The following CDH13 variants were observed in gnomAD, a reference collection of about 807,000 sequenced individuals.
CDH13 encodes cadherin-13.
Under a neutral mutation model 63.8 loss-of-function variants are expected in CDH13, and 24 were observed. The ratio of observed to expected loss-of-function variants is 0.38; its 90% CI spans 0.27 to 0.53. The LOEUF is 0.53. CDH13 is among the 20% of genes least tolerant of loss of function. The pLI, the probability that CDH13 is intolerant of heterozygous loss-of-function variation, is 0.85. For missense variants in CDH13, 1,049 were observed against 903.1 expected, an observed-to-expected ratio of 1.16 and a Z score of -2.07; for synonymous variants, 503 against 355.3, an observed-to-expected ratio of 1.42 and a Z score of -4.67.
intron 5 of CDH13, among the ~76,000 whole-genome samples, chr16:83,277,147 C>T (rs956820442): frequency 1.3e-5 from 2 of 152,116 alleles, no homozygotes; most frequent in African/African-American, 2.4e-5. Flanking sequence ...TCAATAAATA[C>T]TGGATAGGTG....
At chr16:82,817,145 C>T (rs2037758458) in intron 1 of CDH13, among the ~76,000 whole-genome samples, 1 of 151,962 alleles carries the variant, frequency 6.6e-6, no homozygotes, top group South Asian at 2.1e-4. Flanking sequence ...CTTGACTCTC[C>T]TTTCATTTCT....
chr16:83,647,271 C>G (rs1288390366), intron 8 of CDH13, among the ~76,000 whole-genome samples: 1 of 148,068 alleles, frequency 6.8e-6, no homozygotes, highest in African/African-American at 2.5e-5. Context: ...GATCATGCCA[C>G]TACTGCACTC....
intron 6 of CDH13, among the ~76,000 whole-genome samples, chr16:83,383,403 G>T (rs2091608966): frequency 6.6e-6 from 1 of 152,094 alleles, no homozygotes; most frequent in South Asian, 2.1e-4. Flanking sequence ...CATCGATCTT[G>T]TGATATGCTG....
intron 9 of CDH13, 74 bp from the exon 10 acceptor site, chr16:83,678,134 C>T (rs557609894): frequency 3.2e-4 from 485 of 1,510,262 alleles, no homozygotes; most frequent in Non-Finnish European, 4.2e-4. Flanking sequence ...CGTGGAATTT[C>T]AGAGGAAGTT....
At chr16:83,344,470 T>C (rs2090794498) in intron 5 of CDH13, among the ~76,000 whole-genome samples, 1 of 152,234 alleles carries the variant, frequency 6.6e-6, no homozygotes, top group Non-Finnish European at 1.5e-5. Context: ...TTAATGTACT[T>C]GGTTCATAAC....
At chr16:83,012,115 T>C (rs1021079483) in intron 2 of CDH13, among the ~76,000 whole-genome samples, 1 of 152,118 alleles carries the variant, frequency 6.6e-6, no homozygotes, top group African/African-American at 2.4e-5. Context: ...TTAAAAAACT[T>C]TAGGAATTCA....
chr16:83,263,677 G>C (rs1347527478), intron 5 of CDH13, among the ~76,000 whole-genome samples: 1 of 152,170 alleles, frequency 6.6e-6, no homozygotes, highest in South Asian at 2.1e-4. Flanking sequence ...TGAGGCTTTT[G>C]ACTGGCTTCC....
At chr16:82,693,586 C>A (rs1423597213) in intron 1 of CDH13, among the ~76,000 whole-genome samples, 1 of 152,222 alleles carries the variant, frequency 6.6e-6, no homozygotes, top group Non-Finnish European at 1.5e-5. Context: ...ATAAGAACCT[C>A]CAAGTAGACA....
At chr16:83,407,139 G>T (rs2092059629) in intron 6 of CDH13, among the ~76,000 whole-genome samples, 1 of 152,182 alleles carries the variant, frequency 6.6e-6, no homozygotes, top group Non-Finnish European at 1.5e-5. Flanking sequence ...GGAGCAGGAA[G>T]ACTGCAGTGA....
At chr16:83,677,381 G>A (rs543439059) in intron 9 of CDH13, among the ~76,000 whole-genome samples, 12 of 152,294 alleles carry the variant, frequency 7.9e-5, no homozygotes, top group African/African-American at 2.4e-4. Context: ...ACTGGGGTAG[G>A]ACAATCCACC....
At chr16:83,176,442 G>A (rs1322144138) in intron 4 of CDH13, among the ~76,000 whole-genome samples, 6 of 150,962 alleles carry the variant, frequency 4.0e-5, no homozygotes, top group South Asian at 2.1e-4. Flanking sequence ...CCTGGGAGGC[G>A]GGGGTTGCAA....
chr16:82,889,156 C>A (rs1185396626), intron 2 of CDH13, among the ~76,000 whole-genome samples: 1 of 152,142 alleles, frequency 6.6e-6, no homozygotes, highest in Non-Finnish European at 1.5e-5. Flanking sequence ...AGAAAGTATT[C>A]TTTCCTTTTG....
chr16:83,248,030 G>C (rs1289702732), intron 5 of CDH13, among the ~76,000 whole-genome samples: 2 of 152,186 alleles, frequency 1.3e-5, no homozygotes, highest in African/African-American at 2.4e-5. Flanking sequence ...GAGAAGGCAA[G>C]ATGAATCTGG....
intron 8 of CDH13, among the ~76,000 whole-genome samples, chr16:83,630,919 G>A (rs961246437): frequency 6.6e-6 from 1 of 152,080 alleles, no homozygotes; most frequent in African/African-American, 2.4e-5. Flanking sequence ...TAGTAATTGG[G>A]GGTCCCAAGA....
intron 2 of CDH13, among the ~76,000 whole-genome samples, chr16:82,919,912 T>G (rs1430297108): frequency 6.6e-6 from 1 of 152,114 alleles, no homozygotes; most frequent in Non-Finnish European, 1.5e-5. Flanking sequence ...TAGAGTCAAA[T>G]GAGGGGAATT....
At position 83,047,243 on chromosome 16, in the gene CDH13, T is replaced by G. The variant is rs1389245036; in HGVS notation, c.366+15025T>G. Among the ~76,000 whole-genome samples, 1 of 152,088 alleles carries G rather than the reference T, an allele frequency of 6.6e-6. No individual in the cohort carries two copies. Among genetic ancestry groups the G allele is most frequent in the Middle Eastern group, 3.2e-3 (1 of 314 alleles). On this transcript the variant is annotated intron_variant, in intron 3 of 13. Coordinates refer to ENST00000567109, the MANE Select transcript of CDH13 (RefSeq NM_001257.5). The surrounding 1 kb of genome is among the most constrained non-coding windows in gnomAD (Gnocchi z 4.9). ...TTACTCCAGAGGCCTGTGTATTTATTTATTTATTTATTTTTTTGGTAAAGG... is the reference window on the plus strand; with the variant it reads ...TTACTCCAGAGGCCTGTGTATTTATGTATTTATTTATTTTTTTGGTAAAGG...
chr16:83,146,193 CAAAA>C (rs749952847), intron 4 of CDH13, among the ~76,000 whole-genome samples: 3 of 97,622 alleles, frequency 3.1e-5, no homozygotes, highest in African/African-American at 7.6e-5. Flanking sequence ...GACTCTGTCT[CAAAA>C]AAAAAAAAAA....
At chr16:83,265,908 C>T in intron 5 of CDH13, among the ~76,000 whole-genome samples, 1 of 151,668 alleles carries the variant, frequency 6.6e-6, no homozygotes, top group East Asian at 1.9e-4. Flanking sequence ...GGGACTCCAC[C>T]ATCAGTATCT....
At chr16:83,668,442 C>G (rs969487689) in intron 8 of CDH13, among the ~76,000 whole-genome samples, 9 of 152,228 alleles carry the variant, frequency 5.9e-5, no homozygotes, top group African/African-American at 2.2e-4. Flanking sequence ...GACATGACAG[C>G]GTTTCTACCT....
Sources: allele counts gnomAD v4.1 joint callset (sites outside exome capture counted in the v4.1 genomes callset), GRCh38; gene constraint gnomAD v4.1.1; non-coding constraint Gnocchi (gnomAD v3.1); transcripts MANE v1.5; gene names NCBI Gene and HGNC (gene_info 2026-07-23, HGNC 2026-07-21).